BTRC: variants seen among roughly 807,000 people sequenced by gnomAD.
The protein encoded by BTRC is beta-transducin repeat containing E3 ubiquitin protein ligase.
A neutral mutation model predicts 85.5 loss-of-function variants in BTRC; 42 were observed. That is an observed-to-expected ratio of 0.49 (90% CI 0.38 to 0.64). The LOEUF (loss-of-function observed/expected upper bound fraction) is 0.64, where lower values mean the gene tolerates loss of function less well. Ranked by LOEUF, BTRC falls within the 30% of genes least tolerant of loss-of-function variation. The pLI is 0.00. For synonymous variants in BTRC, 255 were observed against 263.3 expected, an observed-to-expected ratio of 0.97 and a Z score of 0.30; for missense variants, 594 against 743.5, an observed-to-expected ratio of 0.80 and a Z score of 2.34.
intron 4 of BTRC, among the ~76,000 whole-genome samples, chr10:101,514,938 G>GT (rs1264360855): frequency 6.6e-6 from 1 of 152,018 alleles, no homozygotes; most frequent in African/African-American, 2.4e-5. Context: ...GGGTTTTGTG[G>GT]TTTTTTAGGG....
rs560607288 is a variant in BTRC at position 101,443,133 on chromosome 10, C to T, written c.156+12681C>T. ...TCCTGACCTCGTGATCCGCCTGCCT[C>T]GGCCTCCCAAAGTGCTGGGATTACG... On this transcript the variant is annotated intron_variant, in intron 2 of 14. Transcript: ENST00000370187. 1.6e-4 allele frequency among the ~76,000 whole-genome samples: 24 copies of T among 152,216 alleles called. No individual in the cohort carries two copies. The East Asian group carries it at 2.3e-3, about 15-fold the overall frequency.
intron 1 of BTRC, among the ~76,000 whole-genome samples, chr10:101,363,442 C>T (rs987997733): frequency 6.6e-6 from 1 of 151,514 alleles, no homozygotes. Context: ...AGGGGAAGTT[C>T]GTTTTTGTTT....
chr10:101,490,268 T>C (rs1405071240), intron 4 of BTRC, among the ~76,000 whole-genome samples: 1 of 151,876 alleles, frequency 6.6e-6, no homozygotes, highest in African/African-American at 2.4e-5. Context: ...TTCCTTCCTT[T>C]CTTCTTCCTT....
chr10:101,491,425 C>G (rs559516765), intron 4 of BTRC, among the ~76,000 whole-genome samples: 1 of 152,064 alleles, frequency 6.6e-6, no homozygotes, highest in East Asian at 1.9e-4. Flanking sequence ...TGGCCTGGTT[C>G]GGCTCACACT....
At chr10:101,426,412 G>A (rs1336538271) in intron 1 of BTRC, among the ~76,000 whole-genome samples, 2 of 152,112 alleles carry the variant, frequency 1.3e-5, no homozygotes, top group Admixed American at 6.5e-5. Flanking sequence ...TCTGTGTGGT[G>A]TTTGCAAATT....
intron 4 of BTRC, among the ~76,000 whole-genome samples, chr10:101,521,025 T>C (rs1260771428): frequency 1.3e-5 from 2 of 151,816 alleles, no homozygotes; most frequent in African/African-American, 4.8e-5. Flanking sequence ...CCCAGCACTT[T>C]GGAAAGCCAA....
chr10:101,424,372 T>C (rs1488437077), intron 1 of BTRC, among the ~76,000 whole-genome samples: 5 of 152,276 alleles, frequency 3.3e-5, no homozygotes, highest in Admixed American at 3.3e-4. Flanking sequence ...GAGGCAATCA[T>C]TGGATTTGTA....
At chr10:101,530,444 C>T (rs1006493625) in intron 6 of BTRC, among the ~76,000 whole-genome samples, 1 of 151,222 alleles carries the variant, frequency 6.6e-6, no homozygotes, top group Non-Finnish European at 1.5e-5. Flanking sequence ...ATCTCCATGC[C>T]AGAGGCATTG....
At chr10:101,370,916 A>G (rs1942616834) in intron 1 of BTRC, among the ~76,000 whole-genome samples, 3 of 152,184 alleles carry the variant, frequency 2.0e-5, no homozygotes, top group Admixed American at 1.3e-4. Flanking sequence ...ACACAGACAC[A>G]CATACATATG....
At chr10:101,475,946 T>TATATATATATAA (rs1945672028) in intron 3 of BTRC, among the ~76,000 whole-genome samples, 1 of 140,056 alleles carries the variant, frequency 7.1e-6, no homozygotes, top group African/African-American at 2.6e-5. Flanking sequence ...TATATATATA[T>TATATATATATAA]ATATATATTC....
At position 101,433,662 on chromosome 10, in the gene BTRC, G is replaced by A. The variant is rs1944456271; in HGVS notation, c.156+3210G>A. On this transcript the variant is annotated intron_variant, in intron 2 of 14. Coordinates refer to ENST00000370187, the MANE Select transcript of BTRC (RefSeq NM_033637.4). ...GAAGCTTGATCACTGAGGTCTTATG[G>A]GCCATTCAAAGTGTGTAGTTTAGTC... Among the ~76,000 whole-genome samples the A allele has an allele frequency of 2.0e-5, 3 of 152,106 alleles. No homozygotes were observed. In the South Asian group the frequency reaches 6.2e-4, roughly 32 times the overall value.
At chr10:101,531,763 G>A (rs1159045437) in intron 7 of BTRC, among the ~76,000 whole-genome samples, 3 of 152,124 alleles carry the variant, frequency 2.0e-5, no homozygotes, top group Non-Finnish European at 4.4e-5. Flanking sequence ...TTACAGGCGA[G>A]TAGGGTAGGT....
intron 7 of BTRC, 84 bp downstream of exon 7, chr10:101,531,417 CA>C: frequency 9.3e-7 from 1 of 1,078,906 alleles, no homozygotes; most frequent in Non-Finnish European, 1.4e-6. Context: ...ACAGCAAGCC[CA>C]TTAAGGTTTA....
chr10:101,358,199 T>A (rs1198068618), intron 1 of BTRC, among the ~76,000 whole-genome samples: 1 of 152,166 alleles, frequency 6.6e-6, no homozygotes, highest in Non-Finnish European at 1.5e-5. Flanking sequence ...ACTCCCAGGC[T>A]CACATGATCC....
chr10:101,542,851 C>T (rs1298389271), intron 13 of BTRC, among the ~76,000 whole-genome samples: 1 of 152,074 alleles, frequency 6.6e-6, no homozygotes, highest in African/African-American at 2.4e-5. Flanking sequence ...AGCCATGGCA[C>T]CTGGCCTGCT....
chr10:101,385,385 GAA>G (rs1943043082), intron 1 of BTRC, among the ~76,000 whole-genome samples: 1 of 130,712 alleles, frequency 7.7e-6, no homozygotes, highest in Admixed American at 7.7e-5. Context: ...AAAAAAAAAA[GAA>G]AAGAAAAAAA....
intron 1 of BTRC, among the ~76,000 whole-genome samples, chr10:101,425,243 G>T (rs551990945): frequency 2.0e-5 from 3 of 152,148 alleles, no homozygotes; most frequent in Admixed American, 2.0e-4. Context: ...CTATCGCATT[G>T]CAGCATTTCA....
intron 4 of BTRC, among the ~76,000 whole-genome samples, chr10:101,492,917 CATT>C (rs1157078063): frequency 6.6e-6 from 1 of 152,064 alleles, no homozygotes; most frequent in Non-Finnish European, 1.5e-5. Flanking sequence ...AACATTATAA[CATT>C]ATAACATGCA....
chr10:101,425,765 G>A (rs954860897), intron 1 of BTRC, among the ~76,000 whole-genome samples: 5 of 151,822 alleles, frequency 3.3e-5, no homozygotes, highest in South Asian at 4.2e-4. Context: ...AGCTGTGATC[G>A]TGCCACTGCA....
Sources: gnomAD v4.1 joint callset for allele counts (sites outside exome capture counted in the v4.1 genomes callset) on GRCh38, gnomAD v4.1.1 for gene constraint, MANE v1.5 for transcripts, NCBI Gene and HGNC (gene_info 2026-07-23, HGNC 2026-07-21) for gene names.